Variants in FRMD4A observed in about 807,000 individuals in gnomAD.
FRMD4A encodes FERM domain containing 4A, also known as FERM domain-containing protein 4A.
Under a neutral mutation model 129.1 loss-of-function variants are expected in FRMD4A, and 29 were observed. That is an observed-to-expected ratio of 0.22 (90% CI 0.17 to 0.31). FRMD4A has a LOEUF of 0.31. Among genes scored for constraint, FRMD4A ranks in the 10% least tolerant of loss-of-function variants. The probability of loss-of-function intolerance (pLI) is 1.00; values close to 1 mark genes in which losing one functional copy is unlikely to be tolerated. For synonymous variants in FRMD4A, 634 were observed against 571.6 expected (o/e 1.11, Z -1.56); for missense variants, 1,272 against 1,375.8 (o/e 0.92, Z 1.19).
intron 2 of FRMD4A, among the ~76,000 whole-genome samples, chr10:13,861,873 G>C (rs893490771): frequency 5.9e-5 from 9 of 152,170 alleles, no homozygotes; most frequent in Non-Finnish European, 1.2e-4. Flanking sequence ...GACTAAAATA[G>C]CTGCTGCTTT....
intron 2 of FRMD4A, among the ~76,000 whole-genome samples, chr10:14,174,989 C>T (rs1245572788): frequency 6.6e-6 from 1 of 151,642 alleles, no homozygotes; most frequent in African/African-American, 2.4e-5. Context: ...TTCAGCATTG[C>T]TGGTCACTTG....
chr10:13,948,575 C>A (rs184353796), intron 2 of FRMD4A, among the ~76,000 whole-genome samples: 1 of 151,158 alleles, frequency 6.6e-6, no homozygotes, highest in South Asian at 2.1e-4. Context: ...TAGGGTACAG[C>A]ATGGGCAAAA....
intron 9 of FRMD4A, among the ~76,000 whole-genome samples, chr10:13,746,185 AG>A (rs200706384): frequency 0.02 from 3,003 of 151,996 alleles, 53 homozygotes; most frequent in Middle Eastern, 0.055. Flanking sequence ...TCTCTCAGAG[AG>A]ATGTGATTTA....
At chr10:14,290,266 C>T (rs1422083096) in intron 2 of FRMD4A, among the ~76,000 whole-genome samples, 5 of 151,982 alleles carry the variant, frequency 3.3e-5, no homozygotes, top group Non-Finnish European at 7.4e-5. Context: ...CCCTGAATAA[C>T]CAAAGCAGTC....
chr10:14,098,030 AGATTATATATAAATTATT>A lies in FRMD4A; in HGVS notation c.45+232010_45+232027del, dbSNP rs1320030820. 6.9e-5 allele frequency among the ~76,000 whole-genome samples: 6 copies of A among 87,540 alleles called. No individual in the cohort carries two copies. In the East Asian group the frequency reaches 2.8e-3, roughly 41 times the overall value. The allele number at this position is 87,540 out of a possible 152,430, so 57.4% of individuals were successfully genotyped here. Reference sequence around the variant, plus strand: ...ATAAATTATATATTATATAAATTATAGATTATATATAAATTATTTATTATATAAATTATAGATTATATA... The same window carrying A: ...ATAAATTATATATTATATAAATTATATATTATATAAATTATAGATTATATA... On this transcript the variant is annotated intron_variant, in intron 2 of 24. Transcript: ENST00000357447.
At chr10:13,832,534 G>A (rs1001547632) in intron 3 of FRMD4A, among the ~76,000 whole-genome samples, 7 of 152,182 alleles carry the variant, frequency 4.6e-5, no homozygotes, top group Non-Finnish European at 7.3e-5. Flanking sequence ...TGGGTGGGTC[G>A]AGGAATCTGT....
intron 15 of FRMD4A, chr10:13,685,031 T>C (rs1361820494): frequency 1.0e-6 from 1 of 984,732 alleles, no homozygotes; most frequent in Non-Finnish European, 1.2e-6. Flanking sequence ...TCCTCAGTGA[T>C]GAATTCCTTA....
At chr10:14,040,885 A>G (rs1161052975) in intron 2 of FRMD4A, among the ~76,000 whole-genome samples, 1 of 152,174 alleles carries the variant, frequency 6.6e-6, no homozygotes, top group Admixed American at 6.5e-5. Context: ...GTTGAAAAAG[A>G]AATATACAGG....
chr10:14,273,587 G>C (rs1283131462), intron 2 of FRMD4A, among the ~76,000 whole-genome samples: 8 of 152,090 alleles, frequency 5.3e-5, no homozygotes, highest in Admixed American at 5.2e-4. Context: ...CCTGGATTAA[G>C]ATAGAAATGA....
chr10:13,899,822 C>T (rs1338781441), intron 2 of FRMD4A, among the ~76,000 whole-genome samples: 1 of 152,180 alleles, frequency 6.6e-6, no homozygotes, highest in Non-Finnish European at 1.5e-5. Context: ...AGCATGGCCA[C>T]AGAATTACTT....
intron 2 of FRMD4A, among the ~76,000 whole-genome samples, chr10:13,914,877 G>A (rs1479488307): frequency 6.6e-6 from 1 of 152,108 alleles, no homozygotes; most frequent in Non-Finnish European, 1.5e-5. Flanking sequence ...ATTTGCGCAT[G>A]GCAGCGTGTG....
chr10:14,165,993 C>T (rs994740423), intron 2 of FRMD4A, among the ~76,000 whole-genome samples: 15 of 151,886 alleles, frequency 9.9e-5, no homozygotes, highest in African/African-American at 3.6e-4. Context: ...ATCCATGTGC[C>T]CCCTGAATCT....
rs188191296 is a variant in FRMD4A at position 13,724,523 on chromosome 10, C to T, written c.759+13321G>A. On this transcript the variant is annotated intron_variant, in intron 12 of 24. Transcript: ENST00000357447. ...TACCGGTTCATGGCTTCTTTTGGAG[C>T]GAGCGAGGCTATTGGATGCTCCTCT... is the stretch of plus-strand genomic sequence containing the variant. Among the ~76,000 whole-genome samples, 207 of 152,270 alleles carry T rather than the reference C, an allele frequency of 1.4e-3. 3 individuals are homozygous for T. The highest frequency in any genetic ancestry group is 4.5e-3 in the African/African-American group (186 of 41,560).
At chr10:13,964,868 T>A (rs1588592498) in intron 2 of FRMD4A, among the ~76,000 whole-genome samples, 1 of 152,116 alleles carries the variant, frequency 6.6e-6, no homozygotes, top group South Asian at 2.1e-4. Context: ...GTATTTTTAG[T>A]AGAGATGGGG....
chr10:14,074,491 T>TATGAACTG (rs1402311233), intron 2 of FRMD4A: 10 of 152,342 alleles, frequency 6.6e-5, no homozygotes, highest in Middle Eastern at 3.4e-3. Context: ...CTGTGAATGC[T>TATGAACTG]ATGAACTGCT....
At chr10:13,861,623 A>G (rs531919807) in intron 2 of FRMD4A, among the ~76,000 whole-genome samples, 13 of 152,338 alleles carry the variant, frequency 8.5e-5, no homozygotes, top group African/African-American at 3.1e-4. Context: ...TTCCGCACAT[A>G]CAAGTCAAAG....
chr10:13,733,398 A>G (rs2090435482), intron 12 of FRMD4A, among the ~76,000 whole-genome samples: 1 of 152,008 alleles, frequency 6.6e-6, no homozygotes, highest in Non-Finnish European at 1.5e-5. Context: ...GAAGCTAACA[A>G]AACTAAGGTT....
At chr10:14,139,460 A>AT (rs34387557) in intron 2 of FRMD4A, among the ~76,000 whole-genome samples, 85,038 of 151,272 alleles carry the variant, frequency 0.56, 24,105 homozygotes, top group East Asian at 0.77. Flanking sequence ...ATTTTTTTTA[A>AT]TTTTTTTGAG....
intron 2 of FRMD4A, among the ~76,000 whole-genome samples, chr10:14,301,708 T>A (rs370686862): frequency 4.6e-5 from 7 of 152,212 alleles, no homozygotes; most frequent in African/African-American, 1.7e-4. Flanking sequence ...TCTTTTTCTA[T>A]AAGAAAACAT....
Sources: allele counts gnomAD v4.1 joint callset (sites outside exome capture counted in the v4.1 genomes callset), GRCh38; gene constraint gnomAD v4.1.1; transcripts MANE v1.5; gene names NCBI Gene and HGNC (gene_info 2026-07-23, HGNC 2026-07-21).